Variants in BATF2 observed in about 807,000 individuals in gnomAD.
BATF2 encodes the protein basic leucine zipper transcriptional factor ATF-like 2.
In BATF2, 4 loss-of-function variants were observed where a neutral mutation model predicts 7.3. The observed-to-expected ratio is 0.55, with a 90% CI of 0.27 to 1.26. The LOEUF (loss-of-function observed/expected upper bound fraction) is 1.26. BATF2 is among the 50% of genes most tolerant of loss of function. BATF2 has a pLI of 0.11. For synonymous variants in BATF2, 152 were observed against 153.9 expected, an observed-to-expected ratio of 0.99 and a Z score of 0.09; for missense variants, 295 against 340.5, an observed-to-expected ratio of 0.87 and a Z score of 1.05.
chr11:64,994,441 T>C lies in BATF2; in HGVS notation c.141+7A>G, dbSNP rs1009860239. On this transcript the variant is annotated splice_region_variant and intron_variant, in intron 2 of 2. Coordinates refer to ENST00000301887, the MANE Select transcript of BATF2 (RefSeq NM_138456.4). ...AGACAAGGAAAGGGGTTAGGGGTTG[T>C]CCACACCTGGTGCAGGGCGTCTGCC... The C allele has an allele frequency of 1.0e-5, 16 of 1,569,462 alleles. No homozygotes were observed. Among genetic ancestry groups the C allele is most frequent in the African/African-American group, 6.8e-5 (5 of 73,890 alleles).
In BATF2 at chr11:64,988,834, T is replaced by G. The variant is rs566920631; in HGVS notation, c.*295A>C. ...GGTGGTGTTTCGGGCTCCAAGAAAG[T>G]CTTCGTGACCTTGGACTTGTCACTT... On this transcript the variant is annotated 3_prime_UTR_variant, in exon 3 of 3. Transcript: ENST00000301887. 9.3e-5 allele frequency: 39 copies of G among 421,088 alleles called. No individual in the cohort carries two copies. The South Asian group carries it at 1.1e-3, about 11-fold the overall frequency. 26.1% of individuals were successfully genotyped at this position (421,088 alleles called of 1,614,324 possible).
rs1413632393 is a variant in BATF2, at chr11:64,989,168, C to A, written c.786G>T (p.Leu262=). The A allele has an allele frequency of 6.2e-7, 1 of 1,614,122 alleles. No homozygotes were observed. Residue 262 remains leucine (L), a synonymous_variant, in exon 3 of 3, where the codon CTG becomes CTT. Coordinates refer to ENST00000301887, the MANE Select transcript of BATF2 (RefSeq NM_138456.4). The surrounding 1 kb of genome is among the most constrained non-coding windows in gnomAD (Gnocchi z 4.3). ...GAGCAGAGGAGAGCAGAGGAAAGGC[C>A]AGGAGAGGGTGAGGGCTGGGATCCA... ...LVVDPSPHPL[L]AFPLLSSAQV...
chr11:64,991,509 C>G (rs866280839), intron 2 of BATF2, among the ~76,000 whole-genome samples: 62 of 152,280 alleles, frequency 4.1e-4, no homozygotes, highest in Non-Finnish European at 7.1e-4. Context: ...CCTAAATTCT[C>G]CAAAGGCTTC....
chr11:64,993,455 G>A (rs1946090736), intron 2 of BATF2, among the ~76,000 whole-genome samples: 2 of 152,206 alleles, frequency 1.3e-5, no homozygotes, highest in Admixed American at 1.3e-4. Context: ...AGCACACAGC[G>A]AGAAGGCAGC....
rs1946051390 is a variant in BATF2, at chr11:64,989,289, G to A, written c.665C>T (p.Ser222Phe). The change falls in exon 3 of 3, where the codon TCT becomes TTT. Residue 222 changes from serine (S) to phenylalanine (F), a missense_variant. Transcript: ENST00000301887. The surrounding 1 kb of genome is among the most constrained non-coding windows in gnomAD (Gnocchi z 4.3). ...CAGGGCAGAGGAAGGGTTGTCGGGAGAGGACCCCAGCTTCCCTCTGGTGGG... is the reference window on the plus strand; with the variant it reads ...CAGGGCAGAGGAAGGGTTGTCGGGAAAGGACCCCAGCTTCCCTCTGGTGGG... ...EHPTRGKLGS[S>F]PDNPSSALGL... 6.3e-7 allele frequency: 1 copy of A among 1,593,274 alleles called. No homozygotes were observed. Among genetic ancestry groups the A allele is most frequent in the African/African-American group, 1.3e-5 (1 of 74,618 alleles).
At position 64,989,663 on chromosome 11, in the gene BATF2, C is replaced by T; in HGVS notation, c.291G>A (p.Leu97=). 1 of 1,613,640 alleles carries T rather than the reference C, an allele frequency of 6.2e-7. No homozygotes were observed. Among genetic ancestry groups the T allele is most frequent in the Non-Finnish European group, 8.5e-7 (1 of 1,179,892 alleles). Residue 97 remains leucine (L), a synonymous_variant, in exon 3 of 3, where the codon CTG becomes CTA. Transcript: ENST00000301887. The surrounding 1 kb of genome is among the most constrained non-coding windows in gnomAD (Gnocchi z 4.3). The part of the protein sequence containing the change: ...DCASCSAPGL[L]GCWDQAEGLL... ...GCCCCTCAGCCTGGTCCCAGCAGCC[C>T]AGGAGCCCTGGAGCTGAGCAGGAGG...
Position 64,988,961 on chromosome 11 carries a change from G to T in BATF2, c.*168C>A, listed in dbSNP as rs967579011. The T allele has an allele frequency of 3.0e-6, 2 of 657,794 alleles. No homozygotes were observed. Among genetic ancestry groups the T allele is most frequent in the East Asian group, 2.7e-5 (1 of 36,732 alleles). The allele number at this position is 657,794 out of a possible 1,614,324, so 40.7% of individuals were successfully genotyped here. On this transcript the variant is annotated 3_prime_UTR_variant, in exon 3 of 3. Transcript: ENST00000301887. Reference sequence around the variant, plus strand: ...GAAATAAGATATTGGTGGTGACAGGGCCTGTCACAGTGGGAGGCATCAGTG... The same window carrying T: ...GAAATAAGATATTGGTGGTGACAGGTCCTGTCACAGTGGGAGGCATCAGTG...
intron 2 of BATF2, among the ~76,000 whole-genome samples, chr11:64,993,228 C>T (rs1240174946): frequency 6.6e-6 from 1 of 151,878 alleles, no homozygotes; most frequent in Non-Finnish European, 1.5e-5. Context: ...GGCGTAGTGG[C>T]GCATGCCTGT....
chr11:64,989,724 AGGGTCC>A lies in BATF2; in HGVS notation c.224_229del (p.Arg75_Thr76del). On this transcript the variant is annotated inframe_deletion, in exon 3 of 3. Transcript: ENST00000301887. The surrounding 1 kb of genome is among the most constrained non-coding windows in gnomAD (Gnocchi z 4.3). ...GGGGCACAGGCGCTCATGCACGTGCAGGGTCCGGCTCCACCACGCCAGCTCGGCCTG... is the reference window on the plus strand; with the variant it reads ...GGGGCACAGGCGCTCATGCACGTGCAGGCTCCACCACGCCAGCTCGGCCTG... 6.8e-6 allele frequency: 11 copies of A among 1,614,012 alleles called. No homozygotes were observed. Among genetic ancestry groups the A allele is most frequent in the Non-Finnish European group, 9.3e-6 (11 of 1,180,006 alleles).
intron 2 of BATF2, chr11:64,990,262 C>A: frequency 6.6e-7 from 1 of 1,525,184 alleles, no homozygotes; most frequent in Non-Finnish European, 8.8e-7. Flanking sequence ...TCCTCTCTCT[C>A]GCCTTCTTTC....
chr11:64,989,194 C>T lies in BATF2; in HGVS notation c.760G>A (p.Val254Met), dbSNP rs745650560. The change falls in exon 3 of 3, where the codon GTG becomes ATG. Residue 254 changes from valine to methionine, a missense_variant. Physicochemically the swap from Val to Met is conservative, Grantham distance 21 (BLOSUM62 1). Transcript: ENST00000301887. This position sits in a 1 kb window ranked among gnomAD's most constrained non-coding sequence, Gnocchi z 4.3. Reference protein sequence around the residue: ...LSAATWQGLVVDPSPHPLLAF... With the variant: ...LSAATWQGLVMDPSPHPLLAF... ...AGGAGAGGGTGAGGGCTGGGATCCA[C>T]AACCAGCCCTTGCCAAGTGGCTGCT... 3.7e-6 allele frequency: 6 copies of T among 1,614,004 alleles called. No individual in the cohort carries two copies. The highest frequency in any genetic ancestry group is 5.1e-6 in the Non-Finnish European group (6 of 1,180,018).
At position 64,989,052 on chromosome 11, in the gene BATF2, G is replaced by A; in HGVS notation, c.*77C>T. ...CAGCCACGCAGGGCAGCACCCAGTA[G>A]TGAGGGAGGAGAGGCCCGTGTGCTA... On this transcript the variant is annotated 3_prime_UTR_variant, in exon 3 of 3. Transcript: ENST00000301887. The surrounding 1 kb of genome is among the most constrained non-coding windows in gnomAD (Gnocchi z 4.3). 1 of 1,518,700 alleles carries A rather than the reference G, an allele frequency of 6.6e-7. No individual in the cohort carries two copies. The highest frequency in any genetic ancestry group is 9.1e-7 in the Non-Finnish European group (1 of 1,094,614). The allele number at this position is 1,518,700 out of a possible 1,614,324, so 94.1% of individuals were successfully genotyped here.
rs772723195 is a variant in BATF2, at chr11:64,989,079, G to GGCT, written c.*47_*49dup. On this transcript the variant is annotated 3_prime_UTR_variant, in exon 3 of 3. Transcript: ENST00000301887. This position sits in a 1 kb window ranked among gnomAD's most constrained non-coding sequence, Gnocchi z 4.3. ...GAGGGAGGAGAGGCCCGTGTGCTAA[G>GGCT]GCTGCTTCCTGAGCCCAAAGAAGGG... The GGCT allele has an allele frequency of 3.8e-6, 6 of 1,594,340 alleles. No homozygotes were observed. The African/African-American group carries it at 8.1e-5, about 21-fold the overall frequency.
At chr11:64,995,528 A>C (rs2136881639) in intron 1 of BATF2, among the ~76,000 whole-genome samples, 1 of 152,330 alleles carries the variant, frequency 6.6e-6, no homozygotes, top group Middle Eastern at 3.4e-3. Flanking sequence ...CGAAGGATGA[A>C]TGAATGAAGG....
chr11:64,994,581 C>G, intron 1 of BATF2, 32 bp from the exon 2 acceptor site: 12 of 1,559,198 alleles, frequency 7.7e-6, no homozygotes, highest in Non-Finnish European at 1.0e-5. Context: ...ACTCAGGGGG[C>G]CCAGCCAGGC....
At chr11:64,996,423 A>C (rs1946110564) in intron 1 of BATF2, among the ~76,000 whole-genome samples, 1 of 151,724 alleles carries the variant, frequency 6.6e-6, no homozygotes, top group South Asian at 2.1e-4. Context: ...CACCTGGCTA[A>C]TTTTTGTATT....
intron 2 of BATF2, chr11:64,990,711 TC>T: frequency 1.3e-6 from 1 of 742,498 alleles, no homozygotes; most frequent in Non-Finnish European, 1.6e-6. Flanking sequence ...CTTCCTTCAG[TC>T]CCCCACCCCC....
chr11:64,989,470 C>G lies in BATF2; in HGVS notation c.484G>C (p.Val162Leu), dbSNP rs765674781. 10 of 1,611,460 alleles carry G rather than the reference C, an allele frequency of 6.2e-6. No homozygotes were observed. The South Asian group carries it at 1.1e-4, about 18-fold the overall frequency. ...AGCTGGACAGGAGGTTCAGCAACCACAGCGGGGCCAAGGGACAGTGAGGGC... is the reference window on the plus strand; with the variant it reads ...AGCTGGACAGGAGGTTCAGCAACCAGAGCGGGGCCAAGGGACAGTGAGGGC... ...PLPSLSLGPA[V>L]VAEPPVQLSP... The change falls in exon 3 of 3, where the codon GTG becomes CTG. Residue 162 changes from valine to leucine, a missense_variant. Val to Leu is a conservative substitution (Grantham distance 32). Coordinates refer to ENST00000301887, the MANE Select transcript of BATF2 (RefSeq NM_138456.4). The surrounding 1 kb of genome is among the most constrained non-coding windows in gnomAD (Gnocchi z 4.3).
In BATF2 at chr11:64,989,823, G is replaced by C; in HGVS notation, c.142-11C>G. 6.2e-7 allele frequency: 1 copy of C among 1,613,224 alleles called. No individual in the cohort carries two copies. The highest frequency in any genetic ancestry group is 1.7e-5 in the Admixed American group (1 of 59,958). ...CAGAGACTCGTGCTGCTGCAGAGAAGCAGATGGGCGGGGAGGGGAACCTCA... is the reference window on the plus strand; with the variant it reads ...CAGAGACTCGTGCTGCTGCAGAGAACCAGATGGGCGGGGAGGGGAACCTCA... On this transcript the variant is annotated splice_polypyrimidine_tract_variant and intron_variant, in intron 2 of 2. Transcript: ENST00000301887. This position sits in a 1 kb window ranked among gnomAD's most constrained non-coding sequence, Gnocchi z 4.3.
Sources: gnomAD v4.1 joint callset for allele counts (sites outside exome capture counted in the v4.1 genomes callset) on GRCh38, gnomAD v4.1.1 for gene constraint, Gnocchi (gnomAD v3.1) non-coding constraint, MANE v1.5 for transcripts, NCBI Gene and HGNC (gene_info 2026-07-23, HGNC 2026-07-21) for gene names.